Variants in PCDHGA11 observed in about 807,000 individuals in gnomAD.
The protein encoded by PCDHGA11 is protocadherin gamma-A11.
Under a neutral mutation model 60.4 loss-of-function variants are expected in PCDHGA11, and 39 were observed. The ratio of observed to expected loss-of-function variants is 0.65; its 90% CI spans 0.50 to 0.84. The LOEUF is 0.84. Among genes scored for constraint, PCDHGA11 ranks in the 40% least tolerant of loss-of-function variants. The pLI is 0.00. For synonymous variants in PCDHGA11, 533 were observed against 510.3 expected (o/e 1.04, Z -0.60); for missense variants, 1,165 against 1,197.7 (o/e 0.97, Z 0.40).
intron 1 of PCDHGA11, chr5:141,427,995 G>T (rs1292989797): frequency 6.3e-7 from 1 of 1,599,590 alleles, no homozygotes; most frequent in Non-Finnish European, 8.6e-7. Flanking sequence ...CGATGGCTCC[G>T]CACTCTTCGA....
At position 141,431,645 on chromosome 5, in the gene PCDHGA11, T is replaced by G. The variant is rs2097404203; in HGVS notation, c.2433+7985T>G. ...GGCGGCCCAAGTTTTCAAACTAGAT[T>G]GTAATTCAGGGACAATATCAACAAT... On this transcript the variant is annotated intron_variant, in intron 1 of 3. Coordinates refer to ENST00000398587, the MANE Select transcript of PCDHGA11 (RefSeq NM_018914.3). This position sits in a 1 kb window ranked among gnomAD's most constrained non-coding sequence, Gnocchi z 4.8. The G allele has an allele frequency of 2.5e-6, 4 of 1,614,236 alleles. No homozygotes were observed. Among genetic ancestry groups the G allele is most frequent in the Non-Finnish European group, 3.4e-6 (4 of 1,180,044 alleles).
In PCDHGA11 at chr5:141,423,333, C is replaced by T. The variant is rs761192305; in HGVS notation, c.2106C>T (p.Ser702=). The T allele has an allele frequency of 3.1e-6, 5 of 1,614,184 alleles. No individual in the cohort carries two copies. Among genetic ancestry groups the T allele is most frequent in the Non-Finnish European group, 4.2e-6 (5 of 1,180,026 alleles). The part of the protein sequence containing the change: ...LYLVVAVAAV[S]CIFLVFVIVL... Reference sequence around the variant, plus strand: ...TGGTGGTGGCGGTGGCCGCAGTCTCCTGCATCTTCCTGGTCTTTGTCATCG... The same window carrying T: ...TGGTGGTGGCGGTGGCCGCAGTCTCTTGCATCTTCCTGGTCTTTGTCATCG... The change falls in exon 1 of 4, where the codon TCC becomes TCT. Residue 702 remains serine, a synonymous_variant. Coordinates refer to ENST00000398587, the MANE Select transcript of PCDHGA11 (RefSeq NM_018914.3).
intron 1 of PCDHGA11, among the ~76,000 whole-genome samples, chr5:141,492,798 C>T (rs1219815576): frequency 6.6e-6 from 1 of 152,250 alleles, no homozygotes; most frequent in Non-Finnish European, 1.5e-5. Flanking sequence ...GACAGCAGGA[C>T]TGGGACTCCA....
intron 1 of PCDHGA11, among the ~76,000 whole-genome samples, chr5:141,425,382 G>A (rs1455106607): frequency 1.3e-5 from 2 of 152,208 alleles, no homozygotes; most frequent in African/African-American, 4.8e-5. Context: ...TTGATTCGGA[G>A]GTAGTGATAA....
chr5:141,463,480 G>A (rs964539275), intron 1 of PCDHGA11, among the ~76,000 whole-genome samples: 3 of 114,320 alleles, frequency 2.6e-5, no homozygotes, highest in African/African-American at 1.1e-4. Context: ...ATGGAGTCTC[G>A]CTCTGTCACC....
At position 141,476,051 on chromosome 5, in the gene PCDHGA11, GA is replaced by G; in HGVS notation, c.2434-18753del. On this transcript the variant is annotated intron_variant, in intron 1 of 3. Transcript: ENST00000398587. This position sits in a 1 kb window ranked among gnomAD's most constrained non-coding sequence, Gnocchi z 7.6. ...CCCAGCGCCCAAGCGCTAACCCGCT[GA>G]AAGTTTCTCAGCGAAATCTCAGGGA... 1.3e-6 allele frequency: 2 copies of G among 1,504,270 alleles called. No individual in the cohort carries two copies. The highest frequency in any genetic ancestry group is 1.8e-6 in the Non-Finnish European group (2 of 1,133,694). The allele number at this position is 1,504,270 out of a possible 1,614,324, so 93.2% of individuals were successfully genotyped here.
chr5:141,430,643 T>G (rs1432236231), intron 1 of PCDHGA11: 16 of 946,950 alleles, frequency 1.7e-5, no homozygotes, highest in South Asian at 2.5e-5. Flanking sequence ...CCTGGGAGTA[T>G]GTGGAAACAA....
chr5:141,459,510 T>G (rs1449866159), intron 1 of PCDHGA11, among the ~76,000 whole-genome samples: 1 of 152,252 alleles, frequency 6.6e-6, no homozygotes, highest in Non-Finnish European at 1.5e-5. Context: ...TGAACAATCA[T>G]GTACAAGTAT....
At chr5:141,427,164 C>T (rs1171285271) in intron 1 of PCDHGA11, 1 of 456,682 alleles carries the variant, frequency 2.2e-6, no homozygotes, top group Non-Finnish European at 4.4e-6. Context: ...TGTGCTAGAC[C>T]ATCAAAATGG....
In PCDHGA11 at chr5:141,496,208, G is replaced by T. The variant is rs530974273; in HGVS notation, c.2492+1343G>T. On this transcript the variant is annotated intron_variant, in intron 2 of 3. Coordinates refer to ENST00000398587, the MANE Select transcript of PCDHGA11 (RefSeq NM_018914.3). Reference sequence around the variant, plus strand: ...CCAGCTGCTCATTTCAATCTGGTATGAATTCCTGCTGAGACAGGAACCCCC... The same window carrying T: ...CCAGCTGCTCATTTCAATCTGGTATTAATTCCTGCTGAGACAGGAACCCCC... Among the ~76,000 whole-genome samples, 13 of 152,222 alleles carry T rather than the reference G, an allele frequency of 8.5e-5. No homozygotes were observed. In the East Asian group the frequency reaches 2.3e-3, roughly 27 times the overall value.
Position 141,487,106 on chromosome 5 carries a change from A to G in PCDHGA11, c.2434-7701A>G, listed in dbSNP as rs777727830. ...TGACCTCCCACCACAGAAGCTGGTC[A>G]TTGTGGTAAAGGATAGTGGTAGTCC... On this transcript the variant is annotated intron_variant, in intron 1 of 3. Transcript: ENST00000398587. The surrounding 1 kb of genome is among the most constrained non-coding windows in gnomAD (Gnocchi z 5.0). 1 of 1,613,902 alleles carries G rather than the reference A, an allele frequency of 6.2e-7. No individual in the cohort carries two copies. The highest frequency in any genetic ancestry group is 1.3e-5 in the African/African-American group (1 of 75,028).
At chr5:141,443,845 A>C (rs923351698) in intron 1 of PCDHGA11, among the ~76,000 whole-genome samples, 19 of 152,224 alleles carry the variant, frequency 1.2e-4, no homozygotes, top group Admixed American at 5.9e-4. Context: ...GGTAATATGG[A>C]AAGTCTGAAA....
Position 141,502,866 on chromosome 5 carries a change from C to CTTTTTTTTTTTTTT in PCDHGA11, c.2493-2526_2493-2513dup, listed in dbSNP as rs549047197. Among the ~76,000 whole-genome samples the CTTTTTTTTTTTTTT allele has an allele frequency of 1.6e-4, 20 of 128,024 alleles. 4 individuals are homozygous for CTTTTTTTTTTTTTT. The highest frequency in any genetic ancestry group is 2.6e-4 in the Admixed American group (3 of 11,660). 84.0% of individuals were successfully genotyped at this position (128,024 alleles called of 152,430 possible). A position where few individuals can be genotyped will look rare whatever the true frequency, so the allele number is the denominator to read the frequency against. The stretch of plus-strand genomic sequence containing the variant: ...GAGCTGCCTAACCCTGACTCTCTGT[C>CTTTTTTTTTTTTTT]TTTTTTTTTTTTTTGACAGGGAGTC... On this transcript the variant is annotated intron_variant, in intron 2 of 3. Transcript: ENST00000398587.
chr5:141,491,578 C>G lies in PCDHGA11; in HGVS notation c.2434-3229C>G, dbSNP rs1438933474. ...CCACTGCTACAGGACGTGCTTTTCA[C>G]CGGCCTCGGACGGCAGTGACTTCAC... On this transcript the variant is annotated intron_variant, in intron 1 of 3. Transcript: ENST00000398587. This position sits in a 1 kb window ranked among gnomAD's most constrained non-coding sequence, Gnocchi z 6.9. The G allele has an allele frequency of 1.9e-6, 3 of 1,614,006 alleles. No individual in the cohort carries two copies. Among genetic ancestry groups the G allele is most frequent in the Non-Finnish European group, 2.5e-6 (3 of 1,180,036 alleles).
rs1033888717 is a variant in PCDHGA11 at position 141,512,540 on chromosome 5, T to C, written c.*1367T>C. 6.5e-6 allele frequency: 1 copy of C among 152,886 alleles called. No homozygotes were observed. Among genetic ancestry groups the C allele is most frequent in the African/African-American group, 2.4e-5 (1 of 41,476 alleles). 9.5% of individuals were successfully genotyped at this position (152,886 alleles called of 1,614,324 possible). ...CCATAGCCTGGTTAAAGTTCCCCAGTGCCTCCTTGTGCATAGACCTTCTTC... is the reference window on the plus strand; with the variant it reads ...CCATAGCCTGGTTAAAGTTCCCCAGCGCCTCCTTGTGCATAGACCTTCTTC... On this transcript the variant is annotated 3_prime_UTR_variant, in exon 4 of 4. Transcript: ENST00000398587.
chr5:141,489,867 G>C lies in PCDHGA11; in HGVS notation c.2434-4940G>C. ...ATCGTGAAGCCCAGGCAAGACATCA[G>C]CTGGTGCTTACTGCTGTGGATGGGG... On this transcript the variant is annotated intron_variant, in intron 1 of 3. Transcript: ENST00000398587. This position sits in a 1 kb window ranked among gnomAD's most constrained non-coding sequence, Gnocchi z 4.5. 1 of 1,614,240 alleles carries C rather than the reference G, an allele frequency of 6.2e-7. No individual in the cohort carries two copies. Among genetic ancestry groups the C allele is most frequent in the Non-Finnish European group, 8.5e-7 (1 of 1,180,034 alleles).
Position 141,477,203 on chromosome 5 carries a change from G to T in PCDHGA11, c.2434-17604G>T. On this transcript the variant is annotated intron_variant, in intron 1 of 3. Coordinates refer to ENST00000398587, the MANE Select transcript of PCDHGA11 (RefSeq NM_018914.3). The surrounding 1 kb of genome is among the most constrained non-coding windows in gnomAD (Gnocchi z 4.9). ...CACCTCCGTGTACAGCCCAGTACCC[G>T]AGGATGCCCCTCTGGGGACTGTCAT... 1 of 1,614,176 alleles carries T rather than the reference G, an allele frequency of 6.2e-7. No individual in the cohort carries two copies. The highest frequency in any genetic ancestry group is 1.1e-5 in the South Asian group (1 of 91,082).
At position 141,477,781 on chromosome 5, in the gene PCDHGA11, A is replaced by G; in HGVS notation, c.2434-17026A>G. 6.2e-7 allele frequency: 1 copy of G among 1,614,036 alleles called. No homozygotes were observed. Among genetic ancestry groups the G allele is most frequent in the South Asian group, 1.1e-5 (1 of 91,090 alleles). Reference sequence around the variant, plus strand: ...TAGCCACCAACATCAGCGTGAACATATTTGTCACTGATCGCAATGACAATG... The same window carrying G: ...TAGCCACCAACATCAGCGTGAACATGTTTGTCACTGATCGCAATGACAATG... On this transcript the variant is annotated intron_variant, in intron 1 of 3. Coordinates refer to ENST00000398587, the MANE Select transcript of PCDHGA11 (RefSeq NM_018914.3). The surrounding 1 kb of genome is among the most constrained non-coding windows in gnomAD (Gnocchi z 4.9).
Position 141,490,965 on chromosome 5 carries a change from C to G in PCDHGA11, c.2434-3842C>G. On this transcript the variant is annotated intron_variant, in intron 1 of 3. Coordinates refer to ENST00000398587, the MANE Select transcript of PCDHGA11 (RefSeq NM_018914.3). This position sits in a 1 kb window ranked among gnomAD's most constrained non-coding sequence, Gnocchi z 5.4. ...CACGGCCAGACTGGGAACACTCAGC[C>G]CCCCAGCGTCTCCCTCGCTCTGCTC... is the stretch of plus-strand genomic sequence containing the variant. 5 of 1,613,856 alleles carry G rather than the reference C, an allele frequency of 3.1e-6. No homozygotes were observed. The highest frequency in any genetic ancestry group is 3.3e-4 in the Middle Eastern group (2 of 6,062).
Sources: gnomAD v4.1 joint callset for allele counts (sites outside exome capture counted in the v4.1 genomes callset) on GRCh38, gnomAD v4.1.1 for gene constraint, Gnocchi (gnomAD v3.1) non-coding constraint, MANE v1.5 for transcripts, NCBI Gene and HGNC (gene_info 2026-07-23, HGNC 2026-07-21) for gene names.